Variants in CCDC169 observed in about 807,000 individuals in gnomAD.
CCDC169 encodes coiled-coil domain containing 169.
CCDC169 carries 30 observed loss-of-function variants against 36.0 expected under a neutral mutation model. The ratio of observed to expected loss-of-function variants is 0.83; its 90% CI spans 0.62 to 1.13. CCDC169 has a LOEUF of 1.13. CCDC169 is among the 50% of genes most tolerant of loss of function. The pLI, the probability that CCDC169 is intolerant of heterozygous loss-of-function variation, is 0.00. For missense variants in CCDC169, 245 were observed against 245.9 expected (o/e 1.00, Z 0.03); for synonymous variants, 85 against 81.5 (o/e 1.04, Z -0.23).
At chr13:36,297,504 C>G (rs1879672444) in intron 1 of CCDC169, 133 bp downstream of exon 1, 2 of 797,314 alleles carry the variant, frequency 2.5e-6, no homozygotes, top group Non-Finnish European at 2.0e-6. Flanking sequence ...TTTTGGAACC[C>G]AGACCGAAGT....
intron 4 of CCDC169, among the ~76,000 whole-genome samples, chr13:36,278,869 T>C (rs955694504): frequency 9.9e-5 from 15 of 152,162 alleles, no homozygotes; most frequent in Non-Finnish European, 1.9e-4. Flanking sequence ...CAAACCACTA[T>C]CACCTGTGTA....
At chr13:36,223,070 CAA>C, downstream of CCDC169, 1 of 152,256 alleles carries the variant, frequency 6.6e-6, no homozygotes, top group South Asian at 2.1e-4. Flanking sequence ...AATATAAACA[CAA>C]AACCACCCTA....
At chr13:36,231,646 G>A (rs1383815152) in intron 7 of CCDC169, among the ~76,000 whole-genome samples, 5 of 152,064 alleles carry the variant, frequency 3.3e-5, no homozygotes, top group Non-Finnish European at 7.3e-5. Flanking sequence ...AATGACTTAT[G>A]TGGCACTAAA....
At chr13:36,285,584 A>AAGAT (rs367836854) in intron 2 of CCDC169, among the ~76,000 whole-genome samples, 18,948 of 137,968 alleles carry the variant, frequency 0.14, 1,343 homozygotes, top group Middle Eastern at 0.2. Context: ...AAAATAAAAT[A>AAGAT]AGATAGATAG....
At chr13:36,285,570 C>T (rs1377102008) in intron 2 of CCDC169, among the ~76,000 whole-genome samples, 2 of 76,920 alleles carry the variant, frequency 2.6e-5, no homozygotes, top group African/African-American at 8.4e-5. Context: ...AAATTTTTCT[C>T]AAAAAAATAA....
downstream of CCDC169, among the ~76,000 whole-genome samples, chr13:36,229,056 T>G (rs578155245): frequency 1.3e-5 from 2 of 152,356 alleles, no homozygotes; most frequent in Admixed American, 6.5e-5. Context: ...AGGTATTTTT[T>G]GATACCTCTA....
intron 2 of CCDC169, among the ~76,000 whole-genome samples, chr13:36,284,090 A>T (rs1042820640): frequency 6.6e-6 from 1 of 151,844 alleles, no homozygotes; most frequent in Admixed American, 6.6e-5. Flanking sequence ...TTCATATATG[A>T]TATTTCATAT....
intron 7 of CCDC169, chr13:36,240,679 A>C (rs1420699339): frequency 2.4e-5 from 29 of 1,204,696 alleles, no homozygotes; most frequent in Non-Finnish European, 2.9e-5. Flanking sequence ...GTTCATAAGC[A>C]GAAAAAAATG....
downstream of CCDC169, chr13:36,225,919 A>G (rs939582632): frequency 1.3e-5 from 2 of 152,242 alleles, no homozygotes; most frequent in African/African-American, 4.8e-5. Flanking sequence ...AATGGCTATT[A>G]TTGAAAAGTA....
intron 6 of CCDC169, among the ~76,000 whole-genome samples, chr13:36,251,838 A>G (rs1433649441): frequency 1.3e-5 from 2 of 152,220 alleles, no homozygotes; most frequent in South Asian, 4.1e-4. Context: ...GAGAGGGGCT[A>G]GGAAAATCAG....
chr13:36,248,181 A>G (rs1350756275), intron 7 of CCDC169, among the ~76,000 whole-genome samples: 1 of 152,164 alleles, frequency 6.6e-6, no homozygotes, highest in Non-Finnish European at 1.5e-5. Context: ...CAGTAATGGT[A>G]TAAAAAAAAC....
intron 5 of CCDC169, 84 bp downstream of exon 5, chr13:36,253,961 T>TAA: frequency 5.2e-6 from 8 of 1,531,392 alleles, no homozygotes; most frequent in Non-Finnish European, 7.0e-6. Flanking sequence ...AATAGTTTTG[T>TAA]GTTAATTATA....
Position 36,248,179 on chromosome 13 carries a change from G to T in CCDC169, c.545+427C>A, listed in dbSNP as rs1594017228. On this transcript the variant is annotated intron_variant, in intron 7 of 7. Transcript: ENST00000239859. ...GCATACTTAATAGACTACAGTAATG[G>T]TATAAAAAAAACTTTTATATATACT... Among the ~76,000 whole-genome samples the T allele has an allele frequency of 2.0e-5, 3 of 152,014 alleles. No homozygotes were observed. In the East Asian group the frequency reaches 5.8e-4, roughly 29 times the overall value.
At chr13:36,282,138 A>G (rs557641358) in intron 4 of CCDC169, among the ~76,000 whole-genome samples, 2,882 of 152,192 alleles carry the variant, frequency 0.019, 43 homozygotes, top group South Asian at 0.045. Flanking sequence ...GTCTGTACAG[A>G]TTACTCCTAA....
In CCDC169 at chr13:36,254,150, A is replaced by T. The variant is rs1332030148; in HGVS notation, c.316-7T>A. ...GTAATGTGTTTAAGGATTCCTAAAA[A>T]TATAAATAGTAAAATTTTATATGTA... is the stretch of plus-strand genomic sequence containing the variant. On this transcript the variant is annotated splice_region_variant and splice_polypyrimidine_tract_variant and intron_variant, in intron 4 of 7. Coordinates refer to ENST00000239859, the MANE Select transcript of CCDC169 (RefSeq NM_001144981.3). 3 of 1,491,362 alleles carry T rather than the reference A, an allele frequency of 2.0e-6. No homozygotes were observed. Among genetic ancestry groups the T allele is most frequent in the Non-Finnish European group, 8.9e-7 (1 of 1,120,676 alleles). The allele number at this position is 1,491,362 out of a possible 1,614,324, so 92.4% of individuals were successfully genotyped here.
At chr13:36,293,822 C>A (rs567364334) in intron 2 of CCDC169, among the ~76,000 whole-genome samples, 1 of 152,256 alleles carries the variant, frequency 6.6e-6, no homozygotes, top group South Asian at 2.1e-4. Context: ...TGAACCAACC[C>A]AGTTAATCCA....
intron 6 of CCDC169, among the ~76,000 whole-genome samples, chr13:36,249,920 A>G (rs925790822): frequency 1.3e-5 from 2 of 151,698 alleles, no homozygotes; most frequent in Non-Finnish European, 2.9e-5. Flanking sequence ...GATATGAGTG[A>G]CAGGTTTGGG....
chr13:36,251,954 C>T (rs2138467171), intron 6 of CCDC169, among the ~76,000 whole-genome samples: 1 of 152,328 alleles, frequency 6.6e-6, no homozygotes, highest in African/African-American at 2.4e-5. Flanking sequence ...TCTACATACT[C>T]ACAAAACCCC....
intron 4 of CCDC169, among the ~76,000 whole-genome samples, chr13:36,264,255 T>G (rs1290993047): frequency 6.6e-6 from 1 of 151,976 alleles, no homozygotes; most frequent in Non-Finnish European, 1.5e-5. Context: ...ACACAATAAA[T>G]ACTTCAGAAG....
Sources: gnomAD v4.1 joint callset for allele counts (sites outside exome capture counted in the v4.1 genomes callset) on GRCh38, gnomAD v4.1.1 for gene constraint, MANE v1.5 for transcripts, NCBI Gene and HGNC (gene_info 2026-07-23, HGNC 2026-07-21) for gene names.